CDK18: variants seen among roughly 807,000 people sequenced by gnomAD.
CDK18 encodes cyclin-dependent kinase 18.
CDK18 carries 52 observed loss-of-function variants against 62.0 expected under a neutral mutation model. That is an observed-to-expected ratio of 0.84 (90% CI 0.67 to 1.06). The LOEUF is 1.06. CDK18 is among the 50% of genes least tolerant of loss of function. The pLI is 0.00. For synonymous variants in CDK18, 237 were observed against 247.0 expected (o/e 0.96, Z 0.38); for missense variants, 604 against 619.9 (o/e 0.97, Z 0.27).
intron 1 of CDK18, among the ~76,000 whole-genome samples, chr1:205,511,244 G>C (rs558487177): frequency 4.0e-4 from 61 of 152,368 alleles, no homozygotes; most frequent in African/African-American, 1.5e-3. Flanking sequence ...TCAAATGTTA[G>C]TGTTCATAGT....
chr1:205,527,967 GTGTGGGTGC>G lies in CDK18; in HGVS notation c.853+51_853+59del, dbSNP rs1668527979. ...TCTGACGCTACTGGGGTGCCTCAGG[GTGTGGGTGC>G]AGTGGGGGAGGGCATAGCAGTCAAC... is the stretch of plus-strand genomic sequence containing the variant. On this transcript the variant is annotated intron_variant, in intron 9 of 15. Transcript: ENST00000429964. The surrounding 1 kb of genome is among the most constrained non-coding windows in gnomAD (Gnocchi z 4.1). 1 of 1,613,228 alleles carries G rather than the reference GTGTGGGTGC, an allele frequency of 6.2e-7. No individual in the cohort carries two copies. The highest frequency in any genetic ancestry group is 2.2e-5 in the East Asian group (1 of 44,872).
chr1:205,508,349 G>A (rs1351304748), intron 1 of CDK18, among the ~76,000 whole-genome samples: 1 of 152,246 alleles, frequency 6.6e-6, no homozygotes, highest in Admixed American at 6.5e-5. Flanking sequence ...ACAGCTGCAT[G>A]CACATGCACA....
chr1:205,526,420 A>T lies in CDK18; in HGVS notation c.625A>T (p.Ile209Phe). 6.2e-7 allele frequency: 1 copy of T among 1,613,872 alleles called. No homozygotes were observed. The highest frequency in any genetic ancestry group is 8.5e-7 in the Non-Finnish European group (1 of 1,179,742). ...HANIVTLHDLIHTDRSLTLVF... is the reference protein window; with the variant it reads ...HANIVTLHDLFHTDRSLTLVF... ...CAATATTGTGACCCTGCATGACCTC[A>T]TCCACACAGATCGGTCCCTCACCCT... The change falls in exon 7 of 16, where the codon ATC becomes TTC. Residue 209 changes from isoleucine (I) to phenylalanine (F), a missense_variant. Ile to Phe is a conservative substitution (Grantham distance 21, BLOSUM62 0). Coordinates refer to ENST00000429964, the MANE Select transcript of CDK18 (RefSeq NM_212502.3).
In CDK18 at chr1:205,526,461, G is replaced by T. The variant is rs1668434260; in HGVS notation, c.666G>T (p.Leu222=). ...CCCTCACCCTGGTGTTTGAGTACCT[G>T]GTGAGAGTCCGGCTGGGGCTGGCCG... ...DRSLTLVFEY[L]DSDLKQYLDH... is the part of the protein sequence containing the mutation. Residue 222 remains leucine (L), a splice_region_variant and synonymous_variant, in exon 7 of 16, where the codon CTG becomes CTT. Transcript: ENST00000429964. 6.2e-7 allele frequency: 1 copy of T among 1,611,516 alleles called. No homozygotes were observed. The highest frequency in any genetic ancestry group is 1.3e-5 in the African/African-American group (1 of 74,886).
rs556192655 is a variant in CDK18, at chr1:205,508,655, G to C, written c.-22+3859G>C. Among the ~76,000 whole-genome samples the C allele has an allele frequency of 2.0e-5, 3 of 152,240 alleles. No homozygotes were observed. In the East Asian group the frequency reaches 5.8e-4, roughly 29 times the overall value. On this transcript the variant is annotated intron_variant, in intron 1 of 15. Coordinates refer to ENST00000429964, the MANE Select transcript of CDK18 (RefSeq NM_212502.3). Reference sequence around the variant, plus strand: ...AGCCCAGGAGGTCGAAACCAGACTGGGCAACATGGCAAGACCCCATCTCTA... The same window carrying C: ...AGCCCAGGAGGTCGAAACCAGACTGCGCAACATGGCAAGACCCCATCTCTA...
chr1:205,515,660 A>G (rs1332335224), intron 1 of CDK18, among the ~76,000 whole-genome samples: 1 of 152,150 alleles, frequency 6.6e-6, no homozygotes, highest in Non-Finnish European at 1.5e-5. Flanking sequence ...CATGACACCA[A>G]ACTGCAGAGA....
chr1:205,510,454 G>A (rs1173250815), intron 1 of CDK18, among the ~76,000 whole-genome samples: 1 of 152,188 alleles, frequency 6.6e-6, no homozygotes, highest in African/African-American at 2.4e-5. Flanking sequence ...CCAGGAAAGG[G>A]GTCACAGAGC....
At chr1:205,505,131 C>T (rs1348191039) in intron 1 of CDK18, among the ~76,000 whole-genome samples, 1 of 152,122 alleles carries the variant, frequency 6.6e-6, no homozygotes, top group African/African-American at 2.4e-5. Context: ...TCACTTTGGC[C>T]CCTGGGCTCC....
At chr1:205,505,573 G>T (rs1667267643) in intron 1 of CDK18, among the ~76,000 whole-genome samples, 1 of 152,204 alleles carries the variant, frequency 6.6e-6, no homozygotes, top group Non-Finnish European at 1.5e-5. Context: ...AAGGAGATGT[G>T]CCTTGAGGAT....
Position 205,523,598 on chromosome 1 carries a change from G to A in CDK18, c.246G>A (p.Arg82=). 6.3e-7 allele frequency: 1 copy of A among 1,579,920 alleles called. No homozygotes were observed. Among genetic ancestry groups the A allele is most frequent in the Non-Finnish European group, 8.6e-7 (1 of 1,163,214 alleles). Residue 82 remains arginine, a synonymous_variant, in exon 3 of 16, where the codon CGG becomes CGA. Transcript: ENST00000429964. ...QLSPGVQFQR[R]QNQRRFSMED... ...CCCCTGGCGTGCAGTTCCAGCGGCG[G>A]CAGAACCAGCGCCGCTTCTCCATGG...
chr1:205,530,227 C>T (rs12042887), intron 13 of CDK18, 32 bp from the exon 14 acceptor site: 6 of 1,607,802 alleles, frequency 3.7e-6, no homozygotes, highest in East Asian at 2.2e-5. Flanking sequence ...GCCCCCCAGC[C>T]GGGCCCAATA....
At chr1:205,522,044 G>A (rs927404229) in intron 1 of CDK18, among the ~76,000 whole-genome samples, 1 of 152,204 alleles carries the variant, frequency 6.6e-6, no homozygotes, top group African/African-American at 2.4e-5. Flanking sequence ...CAGGATGAGA[G>A]GGGGGCTGCA....
intron 13 of CDK18, 40 bp downstream of exon 13, chr1:205,529,603 AAG>A: frequency 6.2e-7 from 1 of 1,613,294 alleles, no homozygotes; most frequent in Non-Finnish European, 8.5e-7. Flanking sequence ...GAGGCAGCCA[AAG>A]AGCCAGGTCC....
intron 1 of CDK18, among the ~76,000 whole-genome samples, chr1:205,514,019 G>A (rs1558769568): frequency 1.3e-5 from 2 of 152,222 alleles, no homozygotes; most frequent in African/African-American, 2.4e-5. Context: ...GGTCATTTGA[G>A]GGCTCACTTT....
chr1:205,524,814 G>A (rs1234876209), intron 4 of CDK18, among the ~76,000 whole-genome samples: 1 of 152,158 alleles, frequency 6.6e-6, no homozygotes, highest in Admixed American at 6.5e-5. Context: ...GGTGGATTCT[G>A]AACTGGACAC....
intron 4 of CDK18, among the ~76,000 whole-genome samples, chr1:205,524,687 T>C (rs757760870): frequency 6.6e-6 from 1 of 152,204 alleles, no homozygotes; most frequent in Non-Finnish European, 1.5e-5. Context: ...AAACACAGAC[T>C]CTACCTCCAG....
In CDK18 at chr1:205,528,151, C is replaced by T; in HGVS notation, c.957C>T (p.Ser319=). Reference sequence around the variant, plus strand: ...TGCTGCTGGGATCCACAGAGTACTCCACCCCCATTGATATGTGGTGAGTGA... The same window carrying T: ...TGCTGCTGGGATCCACAGAGTACTCTACCCCCATTGATATGTGGTGAGTGA... ...PDVLLGSTEY[S]TPIDMWGVGC... is the part of the protein sequence containing the mutation. Residue 319 remains serine (S), a synonymous_variant, in exon 10 of 16, where the codon TCC becomes TCT. Coordinates refer to ENST00000429964, the MANE Select transcript of CDK18 (RefSeq NM_212502.3). The surrounding 1 kb of genome is among the most constrained non-coding windows in gnomAD (Gnocchi z 4.2). The T allele has an allele frequency of 1.2e-6, 2 of 1,613,744 alleles. No homozygotes were observed. The highest frequency in any genetic ancestry group is 4.5e-5 in the East Asian group (2 of 44,878).
chr1:205,525,021 C>T (rs1668350252), intron 4 of CDK18, 118 bp from the exon 5 acceptor site: 3 of 589,166 alleles, frequency 5.1e-6, no homozygotes, highest in Non-Finnish European at 9.3e-6. Context: ...GAAAAGGAGC[C>T]CCTTCCACCA....
At chr1:205,522,355 G>A (rs1490122335) in intron 1 of CDK18, 1 of 152,178 alleles carries the variant, frequency 6.6e-6, no homozygotes, top group Non-Finnish European at 1.5e-5. Context: ...ATGGGAAGAG[G>A]CCTGCAGGGA....
Sources: gnomAD v4.1 joint callset for allele counts (sites outside exome capture counted in the v4.1 genomes callset) on GRCh38, gnomAD v4.1.1 for gene constraint, Gnocchi (gnomAD v3.1) non-coding constraint, MANE v1.5 for transcripts, NCBI Gene and HGNC (gene_info 2026-07-23, HGNC 2026-07-21) for gene names.